Variants in GDF1 observed in about 807,000 individuals in gnomAD.
GDF1 encodes embryonic growth/differentiation factor 1.
In GDF1, 8 loss-of-function variants were observed where a neutral mutation model predicts 7.4. That is an observed-to-expected ratio of 1.09 (90% CI 0.64 to 1.96). The LOEUF is 1.96. Among genes scored for constraint, GDF1 ranks in the 30% most tolerant of loss-of-function variants. The probability of loss-of-function intolerance (pLI) is 0.00; values close to 1 mark genes in which losing one functional copy is unlikely to be tolerated. For missense variants in GDF1, 574 were observed against 551.5 expected, an observed-to-expected ratio of 1.04 and a Z score of -0.41; for synonymous variants, 311 against 276.7, an observed-to-expected ratio of 1.12 and a Z score of -1.23.
chr19:18,869,539 G>A, intron 7 of GDF1, 149 bp from the exon 8 acceptor site: 1 of 1,048,536 alleles, frequency 9.5e-7, no homozygotes, highest in African/African-American at 1.7e-5. Flanking sequence ...GGCTGATGGA[G>A]TGGGGGCAGG....
chr19:18,869,168 A>G lies in GDF1; in HGVS notation c.548T>C (p.Leu183Pro). 1 of 1,147,658 alleles carries G rather than the reference A, an allele frequency of 8.7e-7. No individual in the cohort carries two copies. The highest frequency in any genetic ancestry group is 1.1e-6 in the Non-Finnish European group (1 of 934,694). The allele number at this position is 1,147,658 out of a possible 1,614,324, so 71.1% of individuals were successfully genotyped here. A position where few individuals can be genotyped will look rare whatever the true frequency, so the allele number is the denominator to read the frequency against. ...CCCCAGGGCGGGCACCAACTGGCGG[A>G]GCAGCACCGGCCCGGGGTCCGCGCC... The part of the protein sequence containing the change: ...GAGADPGPVL[L>P]RQLVPALGPP... Residue 183 changes from leucine (L) to proline (P), a missense_variant, in exon 8 of 8, where the codon CTC becomes CCC. Coordinates refer to ENST00000247005, the MANE Select transcript of GDF1 (RefSeq NM_001492.6).
intron 4 of GDF1, 67 bp from the exon 5 acceptor site, chr19:18,879,455 T>A (rs2056140023): frequency 6.5e-7 from 1 of 1,527,108 alleles, no homozygotes; most frequent in Non-Finnish European, 8.8e-7. Context: ...CCCTGTCCTA[T>A]CCCGTCCTAG....
At chr19:18,888,320 C>T (rs1436537665) in intron 2 of GDF1, among the ~76,000 whole-genome samples, 2 of 151,628 alleles carry the variant, frequency 1.3e-5, no homozygotes, top group Non-Finnish European at 2.9e-5. Context: ...GATGGTGCCA[C>T]CGCACTCCAG....
rs573559104 is a variant in GDF1, at chr19:18,869,117, C to T, written c.599G>A (p.Gly200Asp). 24 of 1,087,302 alleles carry T rather than the reference C, an allele frequency of 2.2e-5. No individual in the cohort carries two copies. The Admixed American group carries it at 1.1e-3, about 51-fold the overall frequency. The allele number at this position is 1,087,302 out of a possible 1,614,324, so 67.4% of individuals were successfully genotyped here. The part of the protein sequence containing the change: ...LGPPVRAELL[G>D]AAWARNASWP... ...TGAGGCGTTGCGAGCCCAAGCGGCG[C>T]CCAGCAGCTCCGCGCGCACTGGCGG... Residue 200 changes from glycine (G) to aspartate (D), a missense_variant, in exon 8 of 8, where the codon GGC becomes GAC. Coordinates refer to ENST00000247005, the MANE Select transcript of GDF1 (RefSeq NM_001492.6).
At chr19:18,871,485 G>A (rs1028277296) in intron 6 of GDF1, among the ~76,000 whole-genome samples, 5 of 152,044 alleles carry the variant, frequency 3.3e-5, no homozygotes, top group Admixed American at 6.6e-5. Context: ...GCCTCCCAAA[G>A]TGCTGGGATT....
Position 18,870,362 on chromosome 19 carries a change from AGTGGGCTGAGGGCGGGGCCG to A in GDF1, c.-75_-56del. The A allele has an allele frequency of 6.5e-7, 1 of 1,529,596 alleles. No homozygotes were observed. The highest frequency in any genetic ancestry group is 1.2e-5 in the South Asian group (1 of 83,134). The allele number at this position is 1,529,596 out of a possible 1,614,324, so 94.8% of individuals were successfully genotyped here. ...GCAGGGTCCGCGGCGGCCCGGGACCAGTGGGCTGAGGGCGGGGCCGGTGTCCCCGGAGGGGCAGGGGTCCT... is the reference window on the plus strand; with the variant it reads ...GCAGGGTCCGCGGCGGCCCGGGACCAGTGTCCCCGGAGGGGCAGGGGTCCT... On this transcript the variant is annotated 5_prime_UTR_variant, in exon 7 of 8. Coordinates refer to ENST00000247005, the MANE Select transcript of GDF1 (RefSeq NM_001492.6). The surrounding 1 kb of genome is among the most constrained non-coding windows in gnomAD (Gnocchi z 5.1).
chr19:18,877,315 C>T (rs947564077), intron 6 of GDF1, among the ~76,000 whole-genome samples: 27 of 152,174 alleles, frequency 1.8e-4, no homozygotes, highest in African/African-American at 6.3e-4. Context: ...GGTTCTGCAC[C>T]TCCGAGGATG....
chr19:18,877,628 T>C (rs772168530), intron 6 of GDF1, among the ~76,000 whole-genome samples: 9 of 151,962 alleles, frequency 5.9e-5, no homozygotes, highest in Non-Finnish European at 1.3e-4. Context: ...GGTGCATGCC[T>C]GTGGGCCCAG....
Position 18,878,799 on chromosome 19 carries a change from T to C in GDF1, c.-313+131A>G. On this transcript the variant is annotated intron_variant, in intron 6 of 7. Transcript: ENST00000247005. The surrounding 1 kb of genome is among the most constrained non-coding windows in gnomAD (Gnocchi z 4.6). ...CACGCCTTTATTGCAGTCTCTGTTTTGGAGTAGGCTTGGGGGGCAGCATCC... is the reference window on the plus strand; with the variant it reads ...CACGCCTTTATTGCAGTCTCTGTTTCGGAGTAGGCTTGGGGGGCAGCATCC... 3 of 1,476,946 alleles carry C rather than the reference T, an allele frequency of 2.0e-6. No homozygotes were observed. Among genetic ancestry groups the C allele is most frequent in the Non-Finnish European group, 2.7e-6 (3 of 1,114,306 alleles). The allele number at this position is 1,476,946 out of a possible 1,614,324, so 91.5% of individuals were successfully genotyped here.
chr19:18,872,065 T>C (rs1270415382), intron 6 of GDF1, among the ~76,000 whole-genome samples: 1 of 152,242 alleles, frequency 6.6e-6, no homozygotes, highest in African/African-American at 2.4e-5. Flanking sequence ...GGATGGTCTT[T>C]AGTATTTGCT....
At chr19:18,885,766 G>A (rs937789016) in intron 2 of GDF1, among the ~76,000 whole-genome samples, 1 of 151,280 alleles carries the variant, frequency 6.6e-6, no homozygotes, top group Non-Finnish European at 1.5e-5. Context: ...TGATCCGCCC[G>A]CCTCGGCCTC....
In GDF1 at chr19:18,870,035, G is replaced by C; in HGVS notation, c.273C>G (p.His91Gln). The C allele has an allele frequency of 6.3e-7, 1 of 1,597,162 alleles. No individual in the cohort carries two copies. Among genetic ancestry groups the C allele is most frequent in the Non-Finnish European group, 8.5e-7 (1 of 1,174,560 alleles). Residue 91 changes from histidine (H) to glutamine (Q), a missense_variant, in exon 7 of 8, where the codon CAC (histidine) becomes CAG (glutamine). By Grantham distance (24) the His-to-Gln change is conservative. Transcript: ENST00000247005. The surrounding 1 kb of genome is among the most constrained non-coding windows in gnomAD (Gnocchi z 5.1). The stretch of plus-strand genomic sequence containing the variant: ...TTCCGGCGACCCCCAGCTCCTCCAC[G>C]TGGCACGGTTGCAGGGTGACCCCTG... ...TSPGVTLQPC[H>Q]VEELGVAGNI... is the part of the protein sequence containing the mutation.
chr19:18,887,761 A>AG (rs2056396274), intron 2 of GDF1, among the ~76,000 whole-genome samples: 2 of 151,908 alleles, frequency 1.3e-5, no homozygotes, highest in African/African-American at 4.8e-5. Context: ...AAAAAAAAAA[A>AG]ATTGTGTTAA....
At chr19:18,876,742 G>A (rs2056067247) in intron 6 of GDF1, among the ~76,000 whole-genome samples, 2 of 152,106 alleles carry the variant, frequency 1.3e-5, no homozygotes. Context: ...AGGGAGTAGA[G>A]GGAGCTCCTG....
At chr19:18,883,541 AAGAG>A (rs531952675) in intron 3 of GDF1, among the ~76,000 whole-genome samples, 1 of 149,568 alleles carries the variant, frequency 6.7e-6, no homozygotes, top group African/African-American at 2.4e-5. Context: ...TCAAAAAAAA[AAGAG>A]AGAGAGAAAT....
Position 18,870,961 on chromosome 19 carries a change from C to T in GDF1, c.-312-342G>A, listed in dbSNP as rs1392017391. On this transcript the variant is annotated intron_variant, in intron 6 of 7. Transcript: ENST00000247005. The surrounding 1 kb of genome is among the most constrained non-coding windows in gnomAD (Gnocchi z 5.1). ...ACCGGCCTGGGCCTGACAACTCCAC[C>T]GCCTCCACAGTGGGACCCTGCACAT... Among the ~76,000 whole-genome samples, 2 of 152,186 alleles carry T rather than the reference C, an allele frequency of 1.3e-5. No homozygotes were observed. The highest frequency in any genetic ancestry group is 2.4e-5 in the African/African-American group (1 of 41,448).
In GDF1 at chr19:18,879,377, C is replaced by T. The variant is rs769905277; in HGVS notation, c.-559G>A. The T allele has an allele frequency of 2.5e-6, 4 of 1,568,944 alleles. No individual in the cohort carries two copies. The highest frequency in any genetic ancestry group is 2.7e-5 in the African/African-American group (2 of 73,820). ...GACCTTGAGCGGGAACCAGTAGAGG[C>T]GGAACCAGAACCTGCGGTGGGAGGA... is the stretch of plus-strand genomic sequence containing the variant. On this transcript the variant is annotated 5_prime_UTR_variant, in exon 5 of 8. Coordinates refer to ENST00000247005, the MANE Select transcript of GDF1 (RefSeq NM_001492.6).
chr19:18,873,423 G>A (rs904005195), intron 6 of GDF1, among the ~76,000 whole-genome samples: 7 of 151,802 alleles, frequency 4.6e-5, no homozygotes, highest in African/African-American at 7.3e-5. Flanking sequence ...AGGGCCAGGC[G>A]CAGTGGCTCA....
rs767727206 is a variant in GDF1 at position 18,880,326 on chromosome 19, G to A, written c.-623C>T. ...AAGTCTGCTGCCAAGGCATGCAGCC[G>A]ATGGTAGGAGCCGCCGCGGGACTTG... On this transcript the variant is annotated 5_prime_UTR_variant, in exon 4 of 8. Coordinates refer to ENST00000247005, the MANE Select transcript of GDF1 (RefSeq NM_001492.6). The A allele has an allele frequency of 2.6e-6, 4 of 1,554,472 alleles. No homozygotes were observed. The highest frequency in any genetic ancestry group is 2.4e-5 in the East Asian group (1 of 41,256).
Sources: gnomAD v4.1 joint callset for allele counts (sites outside exome capture counted in the v4.1 genomes callset) on GRCh38, gnomAD v4.1.1 for gene constraint, Gnocchi (gnomAD v3.1) non-coding constraint, MANE v1.5 for transcripts, NCBI Gene and HGNC (gene_info 2026-07-23, HGNC 2026-07-21) for gene names.